Variants in TRPC7 observed in about 807,000 individuals in gnomAD.
TRPC7 encodes transient receptor potential cation channel subfamily C member 7.
A neutral mutation model predicts 90.1 loss-of-function variants in TRPC7; 42 were observed. The observed-to-expected ratio is 0.47, with a 90% CI of 0.36 to 0.60. TRPC7 has a LOEUF of 0.60. TRPC7 is among the 20% of genes least tolerant of loss of function. The pLI is 0.00. For missense variants in TRPC7, 955 were observed against 1,112.3 expected (o/e 0.86, Z 2.01); for synonymous variants, 451 against 436.3 (o/e 1.03, Z -0.42).
intron 4 of TRPC7, among the ~76,000 whole-genome samples, chr5:136,272,948 A>G (rs1280198860): frequency 6.6e-6 from 1 of 152,190 alleles, no homozygotes; most frequent in Admixed American, 6.5e-5. Flanking sequence ...TCTCAGAGCT[A>G]CCAGAAATCT....
chr5:136,246,137 A>G (rs1756329570), intron 7 of TRPC7, among the ~76,000 whole-genome samples: 1 of 152,092 alleles, frequency 6.6e-6, no homozygotes, highest in Non-Finnish European at 1.5e-5. Context: ...TGCTTTCTGG[A>G]GCACCCCTAG....
intron 11 of TRPC7, among the ~76,000 whole-genome samples, chr5:136,215,577 C>T (rs747795280): frequency 2.0e-5 from 3 of 152,150 alleles, no homozygotes; most frequent in Non-Finnish European, 1.5e-5. Flanking sequence ...AATCCCAACA[C>T]TTTGGGAGGC....
At chr5:136,262,598 A>C (rs1222569751) in intron 5 of TRPC7, among the ~76,000 whole-genome samples, 2 of 152,170 alleles carry the variant, frequency 1.3e-5, no homozygotes, top group Non-Finnish European at 2.9e-5. Flanking sequence ...AGAAATTATT[A>C]ATTTTCTTTT....
At chr5:136,305,318 G>A (rs1465866637) in intron 3 of TRPC7, among the ~76,000 whole-genome samples, 2 of 151,922 alleles carry the variant, frequency 1.3e-5, no homozygotes, top group African/African-American at 4.8e-5. Context: ...AGGCCTAATC[G>A]CCACACACCA....
At chr5:136,295,727 A>G (rs1758144399) in intron 3 of TRPC7, among the ~76,000 whole-genome samples, 1 of 152,240 alleles carries the variant, frequency 6.6e-6, no homozygotes, top group African/African-American at 2.4e-5. Context: ...CTGTAGGAGA[A>G]TCTGAGTAGT....
Position 136,213,027 on chromosome 5 carries a change from A to AAGG in TRPC7, c.*405_*407dup, listed in dbSNP as rs1488851430. ...TTGGGGGTGGCAGGGAGGGAGTGAG[A>AAGG]AGGAGTTTGTGGGTTGAGGTGTTTG... On this transcript the variant is annotated 3_prime_UTR_variant, in exon 12 of 12. Transcript: ENST00000513104. 6.6e-6 allele frequency among the ~76,000 whole-genome samples: 1 copy of AAGG among 152,012 alleles called. No individual in the cohort carries two copies. The highest frequency in any genetic ancestry group is 1.9e-4 in the East Asian group (1 of 5,170).
intron 2 of TRPC7, among the ~76,000 whole-genome samples, chr5:136,341,662 A>G (rs185072310): frequency 3.3e-5 from 5 of 152,276 alleles, no homozygotes; most frequent in African/African-American, 7.2e-5. Flanking sequence ...TCCTTTGATT[A>G]AAAAATTGAA....
At chr5:136,319,335 T>C (rs1424373758) in intron 2 of TRPC7, among the ~76,000 whole-genome samples, 1 of 152,160 alleles carries the variant, frequency 6.6e-6, no homozygotes, top group Non-Finnish European at 1.5e-5. Context: ...CCATCTCCTC[T>C]GCTTATGTGC....
chr5:136,315,958 C>T, intron 2 of TRPC7, 179 bp from the exon 3 acceptor site: 2 of 619,960 alleles, frequency 3.2e-6, no homozygotes, highest in Non-Finnish European at 2.8e-6. Context: ...TTTCTCTTGA[C>T]ACGTGACCTG....
At chr5:136,238,242 C>A (rs1050757217) in intron 7 of TRPC7, among the ~76,000 whole-genome samples, 2 of 152,224 alleles carry the variant, frequency 1.3e-5, no homozygotes, top group African/African-American at 4.8e-5. Context: ...AGCTCTTAAT[C>A]TATAACTATC....
chr5:136,309,529 C>A (rs1018740447), intron 3 of TRPC7, among the ~76,000 whole-genome samples: 1 of 152,172 alleles, frequency 6.6e-6, no homozygotes, highest in Non-Finnish European at 1.5e-5. Flanking sequence ...TGCCAAATAG[C>A]GCCGGGATTA....
At chr5:136,364,962 T>C (rs1268006312) in intron 1 of TRPC7, among the ~76,000 whole-genome samples, 4 of 152,084 alleles carry the variant, frequency 2.6e-5, no homozygotes, top group Non-Finnish European at 5.9e-5. Context: ...AGACAACACC[T>C]ATACACTCAT....
intron 7 of TRPC7, among the ~76,000 whole-genome samples, chr5:136,233,000 C>T (rs554468328): frequency 1.3e-5 from 2 of 152,230 alleles, no homozygotes; most frequent in African/African-American, 2.4e-5. Flanking sequence ...TACTGGTACT[C>T]GTCACTTGGG....
chr5:136,305,373 C>T (rs1010337341), intron 3 of TRPC7, among the ~76,000 whole-genome samples: 2 of 152,292 alleles, frequency 1.3e-5, no homozygotes, highest in Non-Finnish European at 1.5e-5. Flanking sequence ...GCCCACCTCT[C>T]AGAACCTCTC....
At position 136,223,481 on chromosome 5, in the gene TRPC7, C is replaced by T. The variant is rs970825661; in HGVS notation, c.2343+1793G>A. ...ATACAAAATTAGCCAGGCATGGTGG[C>T]GCATGCCTGTAATCCCAGCTACTCG... On this transcript the variant is annotated intron_variant, in intron 10 of 11. Coordinates refer to ENST00000513104, the MANE Select transcript of TRPC7 (RefSeq NM_020389.3). 3.8e-4 allele frequency among the ~76,000 whole-genome samples: 58 copies of T among 152,086 alleles called. 2 individuals are homozygous for T. The highest frequency in any genetic ancestry group is 1.8e-3 in the Admixed American group (27 of 15,280).
chr5:136,242,167 C>T (rs1208799270), intron 7 of TRPC7, among the ~76,000 whole-genome samples: 1 of 152,206 alleles, frequency 6.6e-6, no homozygotes, highest in Non-Finnish European at 1.5e-5. Flanking sequence ...GAAGTGTGTT[C>T]TCAGGTGATT....
At chr5:136,296,883 T>C (rs1351676434) in intron 3 of TRPC7, among the ~76,000 whole-genome samples, 1 of 152,192 alleles carries the variant, frequency 6.6e-6, no homozygotes, top group East Asian at 1.9e-4. Flanking sequence ...TTTGGCCATC[T>C]TCACAGCCCA....
intron 2 of TRPC7, among the ~76,000 whole-genome samples, chr5:136,342,864 C>G (rs1379292398): frequency 2.0e-5 from 3 of 152,032 alleles, no homozygotes; most frequent in Non-Finnish European, 4.4e-5. Flanking sequence ...GGTCACAAAA[C>G]AAAGTCCTAT....
chr5:136,281,032 A>G (rs1757533981), intron 3 of TRPC7, among the ~76,000 whole-genome samples: 1 of 152,206 alleles, frequency 6.6e-6, no homozygotes, highest in Non-Finnish European at 1.5e-5. Flanking sequence ...TATTTACCCT[A>G]TATTTCCTCA....
Sources: gnomAD v4.1 joint callset for allele counts (sites outside exome capture counted in the v4.1 genomes callset) on GRCh38, gnomAD v4.1.1 for gene constraint, MANE v1.5 for transcripts, NCBI Gene and HGNC (gene_info 2026-07-23, HGNC 2026-07-21) for gene names.